NDC80: variants seen among roughly 807,000 people sequenced by gnomAD.
NDC80 encodes the protein kinetochore protein NDC80 homolog.
A neutral mutation model predicts 89.3 loss-of-function variants in NDC80; 69 were observed. That is an observed-to-expected ratio of 0.77 (90% CI 0.64 to 0.94). NDC80 has a LOEUF of 0.94. NDC80 is among the 40% of genes least tolerant of loss of function. The probability of loss-of-function intolerance (pLI) is 0.00; values close to 1 mark genes in which losing one functional copy is unlikely to be tolerated. For missense variants in NDC80, 593 were observed against 739.6 expected (o/e 0.80, Z 2.30); for synonymous variants, 243 against 255.6 (o/e 0.95, Z 0.47).
intron 12 of NDC80, 21 bp from the exon 13 acceptor site, chr18:2,601,375 A>G (rs1218348795): frequency 1.6e-6 from 2 of 1,217,982 alleles, no homozygotes; most frequent in Non-Finnish European, 2.3e-6. Context: ...TATGTCACCC[A>G]CATTCCTATG....
rs2072534611 is a variant in NDC80 at position 2,574,281 on chromosome 18, G to A, written c.102-708G>A. ...ACACAAAATTATAGCTAAATGGGAG[G>A]AATAAGTCCTGGTGTTCATAGCACT... On this transcript the variant is annotated intron_variant, in intron 2 of 16. Coordinates refer to ENST00000261597, the MANE Select transcript of NDC80 (RefSeq NM_006101.3). 2.0e-5 allele frequency among the ~76,000 whole-genome samples: 3 copies of A among 152,022 alleles called. 1 individual carries two copies. In the South Asian group the frequency reaches 6.2e-4, roughly 32 times the overall value.
At chr18:2,586,026 A>C (rs1236427048) in intron 7 of NDC80, among the ~76,000 whole-genome samples, 1 of 152,230 alleles carries the variant, frequency 6.6e-6, no homozygotes. Flanking sequence ...GTTGAGATAA[A>C]GGAAACATTA....
chr18:2,593,972 G>A (rs1598240439), intron 10 of NDC80: 3 of 171,840 alleles, frequency 1.7e-5, no homozygotes, highest in South Asian at 1.3e-4. Context: ...GTGCGATCTC[G>A]GCTCACAGCA....
chr18:2,584,430 T>C (rs1377655674), intron 6 of NDC80, among the ~76,000 whole-genome samples: 1 of 151,976 alleles, frequency 6.6e-6, no homozygotes, highest in African/African-American at 2.4e-5. Flanking sequence ...TTAAATTTTC[T>C]ATTTTTTCAT....
At position 2,580,147 on chromosome 18, in the gene NDC80, T is replaced by C. The variant is rs150653815; in HGVS notation, c.579+1118T>C. Among the ~76,000 whole-genome samples the C allele has an allele frequency of 6.9e-3, 1,043 of 152,188 alleles. 17 individuals carry two copies. The highest frequency in any genetic ancestry group is 0.024 in the African/African-American group (988 of 41,538). On this transcript the variant is annotated intron_variant, in intron 6 of 16. Coordinates refer to ENST00000261597, the MANE Select transcript of NDC80 (RefSeq NM_006101.3). ...TTGGCAACACAACAAGCAAAAAAAATTGACAGCTAATTTTTTCTTATTTAC... is the reference window on the plus strand; with the variant it reads ...TTGGCAACACAACAAGCAAAAAAAACTGACAGCTAATTTTTTCTTATTTAC...
chr18:2,572,417 A>T (rs1339992583), intron 1 of NDC80, among the ~76,000 whole-genome samples: 1 of 152,198 alleles, frequency 6.6e-6, no homozygotes, highest in African/African-American at 2.4e-5. Flanking sequence ...GGACCGGATG[A>T]TTTATCCTTG....
At position 2,607,962 on chromosome 18, in the gene NDC80, A is replaced by G; in HGVS notation, c.1558-738A>G. Among the ~76,000 whole-genome samples, 2 of 58,670 alleles carry G rather than the reference A, an allele frequency of 3.4e-5. 1 individual carries two copies. The highest frequency in any genetic ancestry group is 1.5e-3 in the South Asian group (2 of 1,370). The allele number at this position is 58,670 out of a possible 152,430, so 38.5% of individuals were successfully genotyped here. On this transcript the variant is annotated intron_variant, in intron 14 of 16. Coordinates refer to ENST00000261597, the MANE Select transcript of NDC80 (RefSeq NM_006101.3). ...TTGTGTTTTTATTTTACATATATAC[A>G]TAGTATATATATATATATATATATA...
At chr18:2,575,631 G>A (rs145184034) in intron 3 of NDC80, among the ~76,000 whole-genome samples, 5 of 152,038 alleles carry the variant, frequency 3.3e-5, no homozygotes, top group African/African-American at 4.8e-5. Flanking sequence ...TTTTTAATGA[G>A]CCAGGCTTGT....
At chr18:2,607,326 C>T (rs1054739605) in intron 14 of NDC80, among the ~76,000 whole-genome samples, 7 of 152,116 alleles carry the variant, frequency 4.6e-5, no homozygotes, top group African/African-American at 1.7e-4. Context: ...TTAATCTTCA[C>T]AAACCTTAGA....
chr18:2,577,173 T>C (rs1403922419), intron 3 of NDC80: 3 of 151,896 alleles, frequency 2.0e-5, no homozygotes, highest in South Asian at 2.1e-4. Context: ...TTTCAATCAA[T>C]CCTCAGAACT....
At chr18:2,593,255 T>C (rs935696899) in intron 10 of NDC80, among the ~76,000 whole-genome samples, 1 of 152,042 alleles carries the variant, frequency 6.6e-6, no homozygotes, top group African/African-American at 2.4e-5. Context: ...GGTTTCACCA[T>C]GTTGGCCAGA....
At chr18:2,584,972 A>G (rs1284761956) in intron 6 of NDC80, 141 bp from the exon 7 acceptor site, 5 of 613,324 alleles carry the variant, frequency 8.2e-6, no homozygotes, top group Admixed American at 2.9e-5. Flanking sequence ...TTAATGTTCA[A>G]TATAATAACC....
intron 10 of NDC80, among the ~76,000 whole-genome samples, chr18:2,592,619 A>G (rs1307181102): frequency 3.3e-5 from 5 of 151,892 alleles, no homozygotes; most frequent in Admixed American, 3.3e-4. Flanking sequence ...TCAGCCTCCC[A>G]AAGTGCTGGG....
At chr18:2,586,865 TA>T (rs1031571636) in intron 7 of NDC80, among the ~76,000 whole-genome samples, 6 of 152,216 alleles carry the variant, frequency 3.9e-5, no homozygotes, top group African/African-American at 2.4e-5. Context: ...GTACTCTTTG[TA>T]ATTAAAGAAA....
chr18:2,573,657 C>T (rs958439686), intron 2 of NDC80, among the ~76,000 whole-genome samples: 1 of 152,150 alleles, frequency 6.6e-6, no homozygotes, highest in Non-Finnish European at 1.5e-5. Context: ...CTGTATAATT[C>T]TTCTCTAGTA....
intron 15 of NDC80, 44 bp from the exon 16 acceptor site, chr18:2,610,715 A>C: frequency 1.5e-6 from 2 of 1,364,468 alleles, no homozygotes; most frequent in Non-Finnish European, 2.0e-6. Context: ...CGGATGTATT[A>C]ATTTTTTTCC....
intron 13 of NDC80, among the ~76,000 whole-genome samples, chr18:2,605,274 ATG>A (rs60324126): frequency 0.11 from 13,595 of 126,814 alleles, 508 homozygotes; most frequent in East Asian, 0.14. Flanking sequence ...GGCTATATGT[ATG>A]TGTGTGTGTG....
intron 10 of NDC80, chr18:2,593,875 T>C (rs11080961): frequency 0.039 from 10,914 of 282,652 alleles, 991 homozygotes; most frequent in African/African-American, 0.2. Flanking sequence ...TTATGACTGC[T>C]TGAAGCTAGC....
At chr18:2,577,397 A>G (rs2143631726) in intron 3 of NDC80, 1 of 185,060 alleles carries the variant, frequency 5.4e-6, no homozygotes, top group East Asian at 1.4e-4. Context: ...TTGTACTTTT[A>G]GTAGAGACGA....
Sources: allele counts gnomAD v4.1 joint callset (sites outside exome capture counted in the v4.1 genomes callset), GRCh38; gene constraint gnomAD v4.1.1; transcripts MANE v1.5; gene names NCBI Gene and HGNC (gene_info 2026-07-23, HGNC 2026-07-21).